Variants in STARD9 observed in about 807,000 individuals in gnomAD.
STARD9 encodes stAR-related lipid transfer protein 9.
Under a neutral mutation model 399.8 loss-of-function variants are expected in STARD9, and 346 were observed. That is an observed-to-expected ratio of 0.87 (90% CI 0.79 to 0.95). The LOEUF (loss-of-function observed/expected upper bound fraction) is 0.95, where lower values mean the gene tolerates loss of function less well. STARD9 is among the 40% of genes least tolerant of loss of function. The probability of loss-of-function intolerance (pLI) is 0.00; values close to 1 mark genes in which losing one functional copy is unlikely to be tolerated. For missense variants in STARD9, 5,832 were observed against 5,667.5 expected (o/e 1.03, Z -0.93); for synonymous variants, 2,203 against 2,143.5 (o/e 1.03, Z -0.77).
chr15:42,693,510 G>C lies in STARD9; in HGVS notation c.11932G>C (p.Glu3978Gln). ...LQRSNGRSFL[E>Q]LHSPHSPQQS... ...AAGGAGTAATGGGAGATCCTTCCTT[G>C]AGTTGCACTCCCCACACAGCCCACA... Residue 3978 changes from glutamate (E) to glutamine (Q), a missense_variant, in exon 23 of 33, where the codon GAG becomes CAG. Coordinates refer to ENST00000290607, the MANE Select transcript of STARD9 (RefSeq NM_020759.3). 3 of 1,537,246 alleles carry C rather than the reference G, an allele frequency of 2.0e-6. No individual in the cohort carries two copies. The highest frequency in any genetic ancestry group is 2.6e-6 in the Non-Finnish European group (3 of 1,146,902).
chr15:42,682,605 C>A (rs1271445020), intron 22 of STARD9, 30 bp downstream of exon 22: 1 of 1,491,538 alleles, frequency 6.7e-7, no homozygotes, highest in Admixed American at 2.2e-5. Flanking sequence ...CTGGGAAGCA[C>A]TCGGTTAAAG....
At chr15:42,625,630 G>A (rs796765073) in intron 3 of STARD9, among the ~76,000 whole-genome samples, 11 of 136,178 alleles carry the variant, frequency 8.1e-5, no homozygotes, top group African/African-American at 2.9e-4. Flanking sequence ...ATGCCTGGCT[G>A]CTATTTTCTT....
At position 42,689,268 on chromosome 15, in the gene STARD9, C is replaced by G. The variant is rs1181328051; in HGVS notation, c.7690C>G (p.Gln2564Glu). 1 of 1,537,264 alleles carries G rather than the reference C, an allele frequency of 6.5e-7. No individual in the cohort carries two copies. ...CAGACAGGCAAAGGCCCAGAGAAAG[C>G]AGCTTCATGACTTTGTGGCCAGGGG... is the stretch of plus-strand genomic sequence containing the variant. The part of the protein sequence containing the change: ...EIRQAKAQRK[Q>E]LHDFVARGTV... Residue 2564 changes from glutamine (Q) to glutamate (E), a missense_variant, in exon 23 of 33, where the codon CAG becomes GAG. By Grantham distance (29) the Gln-to-Glu change is conservative. Transcript: ENST00000290607.
intron 3 of STARD9, among the ~76,000 whole-genome samples, chr15:42,594,559 G>A (rs2058466765): frequency 6.6e-6 from 1 of 152,216 alleles, no homozygotes; most frequent in Admixed American, 6.5e-5. Context: ...AATACTGGAA[G>A]AAATGTTAAG....
At chr15:42,633,192 C>T (rs1334155121) in intron 3 of STARD9, among the ~76,000 whole-genome samples, 1 of 151,720 alleles carries the variant, frequency 6.6e-6, no homozygotes, top group Non-Finnish European at 1.5e-5. Flanking sequence ...TTAGCAGCTC[C>T]TTTGTCCCTA....
intron 3 of STARD9, among the ~76,000 whole-genome samples, chr15:42,612,060 C>T (rs1029876780): frequency 4.6e-5 from 7 of 152,178 alleles, no homozygotes; most frequent in Non-Finnish European, 1.0e-4. Context: ...CCTCAATCTC[C>T]TGGGCTCAAG....
intron 20 of STARD9, among the ~76,000 whole-genome samples, chr15:42,680,589 G>A (rs1360844290): frequency 6.6e-6 from 1 of 152,128 alleles, no homozygotes; most frequent in African/African-American, 2.4e-5. Flanking sequence ...GACAGAGTGA[G>A]ACCCTGTCTC....
At chr15:42,610,917 G>A (rs11632169) in intron 3 of STARD9, among the ~76,000 whole-genome samples, 116,551 of 152,148 alleles carry the variant, frequency 0.77, 45,778 homozygotes, top group Non-Finnish European at 0.87. Flanking sequence ...CTTTGATATA[G>A]TATCAGTCAC....
At position 42,718,514 on chromosome 15, in the gene STARD9, G is replaced by A; in HGVS notation, c.13842G>A (p.Glu4614=). ...DFCCVCVEAK[E]GHLSVMAAQS... is the part of the protein sequence containing the mutation. Reference sequence around the variant, plus strand: ...GTTGTGTCTGCGTGGAAGCCAAAGAGGTGCCTGCCTTGGTGGTAAAGATGT... The same window carrying A: ...GTTGTGTCTGCGTGGAAGCCAAAGAAGTGCCTGCCTTGGTGGTAAAGATGT... Residue 4614 remains glutamate, a splice_region_variant and synonymous_variant, in exon 31 of 33, where the codon GAG becomes GAA. Transcript: ENST00000290607. 1.3e-6 allele frequency: 2 copies of A among 1,537,066 alleles called. No individual in the cohort carries two copies. Among genetic ancestry groups the A allele is most frequent in the South Asian group, 2.4e-5 (2 of 84,048 alleles).
chr15:42,635,422 C>T (rs1181821826), intron 4 of STARD9, among the ~76,000 whole-genome samples: 6 of 151,910 alleles, frequency 3.9e-5, no homozygotes, highest in East Asian at 1.9e-4. Flanking sequence ...CTCCGCCTCC[C>T]GGGTTCACGC....
intron 3 of STARD9, among the ~76,000 whole-genome samples, chr15:42,620,828 CACTGCA>C (rs2059077954): frequency 6.6e-6 from 1 of 151,890 alleles, no homozygotes; most frequent in Non-Finnish European, 1.5e-5. Context: ...AATCTTGGCT[CACTGCA>C]ACCTCCACCT....
intron 4 of STARD9, 37 bp downstream of exon 4, chr15:42,635,009 GCAAGC>G: frequency 8.1e-7 from 1 of 1,227,120 alleles, no homozygotes; most frequent in Non-Finnish European, 1.1e-6. Flanking sequence ...TAATGCCACA[GCAAGC>G]CTGAACCTTG....
At chr15:42,598,038 G>GTGTGTGTA (rs2058548941) in intron 3 of STARD9, among the ~76,000 whole-genome samples, 11 of 148,606 alleles carry the variant, frequency 7.4e-5, no homozygotes, top group South Asian at 2.1e-4. Flanking sequence ...GTGTGTGTGT[G>GTGTGTGTA]TGTATGTGTT....
chr15:42,636,069 G>C (rs2059413036), intron 4 of STARD9, among the ~76,000 whole-genome samples: 1 of 152,168 alleles, frequency 6.6e-6, no homozygotes. Context: ...GGCTGAGGCA[G>C]AAAGATCTCT....
intron 3 of STARD9, among the ~76,000 whole-genome samples, chr15:42,632,451 G>T (rs777696448): frequency 6.6e-6 from 1 of 152,098 alleles, no homozygotes. Flanking sequence ...TGATGAGTAA[G>T]GACTTCTGCC....
In STARD9 at chr15:42,634,957, C is replaced by T; in HGVS notation, c.336C>T (p.Thr112=). ...YGQTGSGKTY[T]MLGTPASVGL... ...AGACAGGCTCTGGGAAGACATATAC[C>T]ATGCTGGGGACCCCAGTGAGTATTA... The change falls in exon 4 of 33, where the codon ACC becomes ACT. Residue 112 remains threonine (T), a synonymous_variant. Transcript: ENST00000290607. 1 of 1,534,632 alleles carries T rather than the reference C, an allele frequency of 6.5e-7. No individual in the cohort carries two copies. Among genetic ancestry groups the T allele is most frequent in the Non-Finnish European group, 8.7e-7 (1 of 1,145,034 alleles).
chr15:42,700,877 G>GT (rs1445430709), intron 26 of STARD9, among the ~76,000 whole-genome samples: 3 of 152,070 alleles, frequency 2.0e-5, no homozygotes, highest in Admixed American at 6.6e-5. Context: ...CTCCTATGTT[G>GT]TCTTCTTGTA....
Position 42,688,727 on chromosome 15 carries a change from G to C in STARD9, c.7149G>C (p.Gln2383His), listed in dbSNP as rs1179295307. 8 of 1,537,654 alleles carry C rather than the reference G, an allele frequency of 5.2e-6. No homozygotes were observed. In the African/African-American group the frequency reaches 9.6e-5, roughly 18 times the overall value. The change falls in exon 23 of 33, where the codon CAG becomes CAC. Residue 2383 changes from glutamine (Q) to histidine (H), a missense_variant. This residue lies in a region of STARD9 where 5,828 missense variants were observed against 5,651.1 expected (regional missense o/e 1.03). Transcript: ENST00000290607. The part of the protein sequence containing the change: ...PLVTGVEHQD[Q>H]STETRSHSPE... ...TAACTGGAGTAGAGCATCAGGACCA[G>C]AGTACGGAGACCAGAAGCCACAGCC...
chr15:42,664,789 A>AAC (rs55773330), intron 13 of STARD9, among the ~76,000 whole-genome samples: 9,378 of 144,720 alleles, frequency 0.065, 306 homozygotes, highest in Admixed American at 0.083. Context: ...TTTATCCTTT[A>AAC]ACACACACAC....
Sources: gnomAD v4.1 joint callset for allele counts (sites outside exome capture counted in the v4.1 genomes callset) on GRCh38, gnomAD v4.1.1 for gene constraint, gnomAD v4.1.1 regional missense constraint, MANE v1.5 for transcripts, NCBI Gene and HGNC (gene_info 2026-07-23, HGNC 2026-07-21) for gene names.